The following FAT4 variants were observed in gnomAD, a reference collection of about 807,000 sequenced individuals.
FAT4 encodes FAT atypical cadherin 4.
Under a neutral mutation model 303.9 loss-of-function variants are expected in FAT4, and 84 were observed. That is an observed-to-expected ratio of 0.28 (90% CI 0.23 to 0.33). The LOEUF (loss-of-function observed/expected upper bound fraction) is 0.33. Among genes scored for constraint, FAT4 ranks in the 10% least tolerant of loss-of-function variants. The pLI is 1.00. For missense variants in FAT4, 6,005 were observed against 6,146.8 expected (o/e 0.98, Z 0.77); for synonymous variants, 2,307 against 2,298.8 (o/e 1.00, Z -0.10).
intron 3 of FAT4, 36 bp from the exon 4 acceptor site, chr4:125,406,844 C>T: frequency 6.3e-7 from 1 of 1,595,736 alleles, no homozygotes; most frequent in South Asian, 1.1e-5. Context: ...TGCTTTTCTA[C>T]TTCCAATAGC....
chr4:125,471,165 G>A (rs1176948595), intron 12 of FAT4, among the ~76,000 whole-genome samples: 1 of 152,164 alleles, frequency 6.6e-6, no homozygotes, highest in African/African-American at 2.4e-5. Flanking sequence ...TATATGGCAC[G>A]GTTCATGTTG....
intron 2 of FAT4, among the ~76,000 whole-genome samples, chr4:125,396,266 A>G (rs571637203): frequency 1.3e-5 from 2 of 152,070 alleles, no homozygotes; most frequent in Admixed American, 6.6e-5. Flanking sequence ...ATATGTATAT[A>G]TGTGTGTGTA....
At chr4:125,409,752 G>T (rs890748750) in intron 5 of FAT4, among the ~76,000 whole-genome samples, 1 of 152,068 alleles carries the variant, frequency 6.6e-6, no homozygotes, top group Admixed American at 6.6e-5. Flanking sequence ...CACCTGTTTT[G>T]TAAGTATACA....
chr4:125,488,578 T>A (rs1167738515), intron 17 of FAT4, among the ~76,000 whole-genome samples: 1 of 152,110 alleles, frequency 6.6e-6, no homozygotes, highest in East Asian at 1.9e-4. Context: ...TATGGTAAAA[T>A]TCAAGGAGGT....
At chr4:125,421,710 G>GT (rs547829418) in intron 7 of FAT4, among the ~76,000 whole-genome samples, 62 of 150,786 alleles carry the variant, frequency 4.1e-4, no homozygotes, top group African/African-American at 7.0e-4. Context: ...TTAAGTGATG[G>GT]TTTTTTTTTG....
chr4:125,340,452 C>T (rs111665781), intron 2 of FAT4, among the ~76,000 whole-genome samples: 2 of 151,788 alleles, frequency 1.3e-5, no homozygotes, highest in Non-Finnish European at 2.9e-5. Context: ...GGCGTGATCT[C>T]GGCTAGCTGC....
intron 8 of FAT4, among the ~76,000 whole-genome samples, chr4:125,436,128 C>T (rs1725442894): frequency 6.6e-6 from 1 of 150,944 alleles, no homozygotes; most frequent in Admixed American, 6.6e-5. Flanking sequence ...CAACATGGCA[C>T]ATGTATACAT....
chr4:125,459,719 C>T lies in FAT4; in HGVS notation c.11801-3844C>T, dbSNP rs377004873. ...AAGTCCTATCAGCATACTTCCAAGC[C>T]TGAAGGCGTTTGGCAAGTATTGTTA... On this transcript the variant is annotated intron_variant, in intron 10 of 17. Transcript: ENST00000394329. Among the ~76,000 whole-genome samples, 265 of 152,142 alleles carry T rather than the reference C, an allele frequency of 1.7e-3. 2 individuals are homozygous for T. The highest frequency in any genetic ancestry group is 6.0e-3 in the African/African-American group (248 of 41,524).
intron 2 of FAT4, among the ~76,000 whole-genome samples, chr4:125,329,735 A>T (rs922007464): frequency 1.3e-5 from 2 of 152,178 alleles, no homozygotes; most frequent in Non-Finnish European, 2.9e-5. Context: ...TAACATTTTT[A>T]AATCTGAGCT....
chr4:125,455,348 C>A (rs1726241150), intron 10 of FAT4, among the ~76,000 whole-genome samples: 2 of 152,122 alleles, frequency 1.3e-5, no homozygotes, highest in Admixed American at 6.6e-5. Flanking sequence ...TTCTTTGTTT[C>A]ATTTCATTTA....
intron 2 of FAT4, among the ~76,000 whole-genome samples, chr4:125,375,503 C>T (rs1476129380): frequency 2.0e-5 from 3 of 152,148 alleles, no homozygotes; most frequent in South Asian, 4.1e-4. Context: ...CTTGGATACC[C>T]TGGTGAGAGA....
intron 5 of FAT4, 23 bp from the exon 6 acceptor site, chr4:125,414,860 AT>A: frequency 6.5e-7 from 1 of 1,537,730 alleles, no homozygotes; most frequent in East Asian, 2.3e-5. Context: ...GTTTAAGAAA[AT>A]TTTTTCTTCC....
intron 2 of FAT4, among the ~76,000 whole-genome samples, chr4:125,357,508 T>G (rs1732478643): frequency 6.6e-6 from 1 of 152,162 alleles, no homozygotes. Flanking sequence ...ATTTTACTAA[T>G]ATGGTCATTA....
intron 2 of FAT4, among the ~76,000 whole-genome samples, chr4:125,368,965 G>T (rs148506526): frequency 6.6e-6 from 1 of 152,190 alleles, no homozygotes; most frequent in East Asian, 1.9e-4. Flanking sequence ...ACTGACAAAA[G>T]AAAAATATTG....
chr4:125,379,538 T>TC (rs1359967214), intron 2 of FAT4, among the ~76,000 whole-genome samples: 1 of 152,044 alleles, frequency 6.6e-6, no homozygotes, highest in Non-Finnish European at 1.5e-5. Flanking sequence ...CGGCTCACTG[T>TC]AACCTTGGCC....
Position 125,451,105 on chromosome 4 carries a change from A to G in FAT4, c.10095A>G (p.Arg3365=), listed in dbSNP as rs1240262001. ...TTTATGTTTCTGGAATTCTTGATCG[A>G]GAAAAAGAAGAAAGGGTGTCTTTGA... ...GQIYVSGILD[R]EKEERVSLKV... The change falls in exon 10 of 18, where the codon CGA becomes CGG. Residue 3365 remains arginine (R), a synonymous_variant. Transcript: ENST00000394329. 6 of 1,614,160 alleles carry G rather than the reference A, an allele frequency of 3.7e-6. 1 individual carries two copies. In the Admixed American group the frequency reaches 8.3e-5, roughly 22 times the overall value.
chr4:125,387,659 T>C lies in FAT4; in HGVS notation c.5176-11125T>C, dbSNP rs553089792. Among the ~76,000 whole-genome samples the C allele has an allele frequency of 3.3e-5, 5 of 152,246 alleles. No individual in the cohort carries two copies. The South Asian group carries it at 1.0e-3, about 32-fold the overall frequency. On this transcript the variant is annotated intron_variant, in intron 2 of 17. Coordinates refer to ENST00000394329, the MANE Select transcript of FAT4 (RefSeq NM_001291303.3). ...GAGTTGCCCCTGACAGATAGCAGTA[T>C]GGCATGGTAAGTGAGAATGTGTAGC...
At chr4:125,339,134 T>C (rs28386183) in intron 2 of FAT4, among the ~76,000 whole-genome samples, 2 of 152,182 alleles carry the variant, frequency 1.3e-5, no homozygotes, top group South Asian at 2.1e-4. Context: ...TCAGGAAATA[T>C]AATTATTCAT....
chr4:125,417,238 C>T (rs1169192605), intron 7 of FAT4, among the ~76,000 whole-genome samples: 1 of 152,116 alleles, frequency 6.6e-6, no homozygotes, highest in Admixed American at 6.5e-5. Context: ...GAGCTAGGGG[C>T]ATTTAAAGTA....
Sources: gnomAD v4.1 joint callset for allele counts (sites outside exome capture counted in the v4.1 genomes callset) on GRCh38, gnomAD v4.1.1 for gene constraint, MANE v1.5 for transcripts, NCBI Gene and HGNC (gene_info 2026-07-23, HGNC 2026-07-21) for gene names.